LRRC4C: variants seen among roughly 807,000 people sequenced by gnomAD.
LRRC4C encodes leucine rich repeat containing 4C.
A neutral mutation model predicts 33.6 loss-of-function variants in LRRC4C; 5 were observed. The observed-to-expected ratio is 0.15, with a 90% CI of 0.08 to 0.31. The LOEUF (loss-of-function observed/expected upper bound fraction) is 0.31. Ranked by LOEUF, LRRC4C falls within the 10% of genes least tolerant of loss-of-function variation. The pLI is 1.00. For missense variants in LRRC4C, 560 were observed against 796.7 expected, an observed-to-expected ratio of 0.70 and a Z score of 3.58; for synonymous variants, 329 against 302.0, an observed-to-expected ratio of 1.09 and a Z score of -0.93.
At chr11:40,882,221 G>T (rs548626388) in intron 2 of LRRC4C, among the ~76,000 whole-genome samples, 1 of 151,982 alleles carries the variant, frequency 6.6e-6, no homozygotes, top group Non-Finnish European at 1.5e-5. Flanking sequence ...TGATCATCTG[G>T]AAACAACAAT....
intron 1 of LRRC4C, among the ~76,000 whole-genome samples, chr11:41,250,464 T>G (rs1948603706): frequency 6.6e-6 from 1 of 152,172 alleles, no homozygotes; most frequent in African/African-American, 2.4e-5. Flanking sequence ...GTCATAGATA[T>G]TTGAAATAAA....
intron 2 of LRRC4C, among the ~76,000 whole-genome samples, chr11:40,793,275 G>A (rs376096138): frequency 5.3e-5 from 8 of 152,074 alleles, no homozygotes; most frequent in South Asian, 4.2e-4. Flanking sequence ...TGAGGGTCTC[G>A]AAAAACAATT....
intron 1 of LRRC4C, among the ~76,000 whole-genome samples, chr11:41,218,219 C>G (rs1947147724): frequency 6.6e-6 from 1 of 151,680 alleles, no homozygotes; most frequent in Admixed American, 6.6e-5. Context: ...TAAGAGGAGA[C>G]AGTCAATAAA....
chr11:41,067,539 G>A (rs982958727), intron 1 of LRRC4C, among the ~76,000 whole-genome samples: 2 of 152,150 alleles, frequency 1.3e-5, no homozygotes, highest in Admixed American at 1.3e-4. Context: ...TTCAAGACTT[G>A]AACTCAGCCC....
chr11:40,638,893 G>T (rs76274382), intron 3 of LRRC4C, among the ~76,000 whole-genome samples: 1,577 of 151,530 alleles, frequency 0.01, 33 homozygotes, highest in African/African-American at 0.037. Context: ...GTTGCTAAAA[G>T]AGTTCCTTGC....
intron 2 of LRRC4C, among the ~76,000 whole-genome samples, chr11:40,776,682 G>A (rs189052792): frequency 1.3e-5 from 2 of 151,704 alleles, no homozygotes; most frequent in South Asian, 2.1e-4. Flanking sequence ...AGAAATTTTT[G>A]GTTTGGTTAA....
At chr11:41,190,825 C>G (rs1330833654) in intron 1 of LRRC4C, among the ~76,000 whole-genome samples, 1 of 152,110 alleles carries the variant, frequency 6.6e-6, no homozygotes, top group Non-Finnish European at 1.5e-5. Context: ...TAATTACAGT[C>G]AAATCATTTA....
At chr11:41,164,856 C>G (rs1357305819) in intron 1 of LRRC4C, among the ~76,000 whole-genome samples, 1 of 152,146 alleles carries the variant, frequency 6.6e-6, no homozygotes, top group Non-Finnish European at 1.5e-5. Flanking sequence ...ACACCATAAT[C>G]TAAGCCCAGG....
intron 3 of LRRC4C, among the ~76,000 whole-genome samples, chr11:40,568,474 GTGT>G (rs1452081824): frequency 6.6e-6 from 1 of 152,206 alleles, no homozygotes; most frequent in African/African-American, 2.4e-5. Context: ...TTTATTTATG[GTGT>G]TGTTGTTGTA....
intron 3 of LRRC4C, among the ~76,000 whole-genome samples, chr11:40,646,554 G>A (rs1280833239): frequency 7.9e-5 from 12 of 152,046 alleles, no homozygotes; most frequent in Non-Finnish European, 1.2e-4. Flanking sequence ...AAGTTTGACG[G>A]CAAGGAAAAA....
intron 3 of LRRC4C, among the ~76,000 whole-genome samples, chr11:40,456,443 GA>G (rs1274377696): frequency 2.7e-5 from 4 of 150,750 alleles, no homozygotes; most frequent in Non-Finnish European, 4.4e-5. Flanking sequence ...CCAGAATACA[GA>G]GCAAGAAAAA....
chr11:40,751,578 A>C (rs1948693523), intron 2 of LRRC4C, among the ~76,000 whole-genome samples: 1 of 152,146 alleles, frequency 6.6e-6, no homozygotes, highest in Non-Finnish European at 1.5e-5. Flanking sequence ...GGAAAACTAC[A>C]AAACATTGAT....
intron 5 of LRRC4C, among the ~76,000 whole-genome samples, chr11:40,188,570 T>C (rs1192895920): frequency 6.6e-6 from 1 of 152,224 alleles, no homozygotes; most frequent in African/African-American, 2.4e-5. Flanking sequence ...TTTTTATGGT[T>C]TCAAAAGGTT....
intron 5 of LRRC4C, among the ~76,000 whole-genome samples, chr11:40,141,763 C>G (rs1007091551): frequency 2.0e-5 from 3 of 152,172 alleles, no homozygotes; most frequent in Admixed American, 1.3e-4. Context: ...CTGACTCCAA[C>G]AAGAAGTTGT....
rs577259233 is a variant in LRRC4C, at chr11:41,228,078, C to T, written c.-496+231353G>A. Among the ~76,000 whole-genome samples, 668 of 152,024 alleles carry T rather than the reference C, an allele frequency of 4.4e-3. 3 individuals carry two copies. Among genetic ancestry groups the T allele is most frequent in the Non-Finnish European group, 7.5e-3 (507 of 67,968 alleles). ...CTGTAAAATACCTTGCCTGAAACTA[C>T]CAAGAAATTAGTAGCATATATTATA... On this transcript the variant is annotated intron_variant, in intron 1 of 6. Coordinates refer to ENST00000528697, the MANE Select transcript of LRRC4C (RefSeq NM_001258419.2).
At chr11:40,491,002 G>A (rs927038897) in intron 3 of LRRC4C, among the ~76,000 whole-genome samples, 2 of 152,046 alleles carry the variant, frequency 1.3e-5, no homozygotes, top group African/African-American at 4.8e-5. Flanking sequence ...AATGTGTATA[G>A]GCAGGGCACA....
At chr11:40,556,302 G>A (rs1957330436) in intron 3 of LRRC4C, among the ~76,000 whole-genome samples, 1 of 152,198 alleles carries the variant, frequency 6.6e-6, no homozygotes, top group Admixed American at 6.5e-5. Context: ...GATGGCTGTA[G>A]CTTTCCTACC....
In LRRC4C at chr11:41,174,715, A is replaced by G. The variant is rs897181703; in HGVS notation, c.-495-240992T>C. Among the ~76,000 whole-genome samples the G allele has an allele frequency of 1.6e-4, 25 of 152,088 alleles. 1 individual carries two copies. Among genetic ancestry groups the G allele is most frequent in the African/African-American group, 5.8e-4 (24 of 41,418 alleles). ...TCTACAATTTTGGTTTAAATGATCA[A>G]CTATATCCTAATATTTCACATGTTT... On this transcript the variant is annotated intron_variant, in intron 1 of 6. Coordinates refer to ENST00000528697, the MANE Select transcript of LRRC4C (RefSeq NM_001258419.2).
At chr11:40,885,309 T>C (rs189328793) in intron 2 of LRRC4C, among the ~76,000 whole-genome samples, 125 of 152,178 alleles carry the variant, frequency 8.2e-4, no homozygotes, top group Non-Finnish European at 5.7e-4. Flanking sequence ...TCCTCTTTTT[T>C]AGAGAAAGCA....
Sources: allele counts gnomAD v4.1 joint callset (sites outside exome capture counted in the v4.1 genomes callset), GRCh38; gene constraint gnomAD v4.1.1; transcripts MANE v1.5; gene names NCBI Gene and HGNC (gene_info 2026-07-23, HGNC 2026-07-21).